The following RSRC1 variants were observed in gnomAD, a reference collection of about 807,000 sequenced individuals.
The protein encoded by RSRC1 is serine/Arginine-related protein 53.
A neutral mutation model predicts 49.1 loss-of-function variants in RSRC1; 39 were observed. The ratio of observed to expected loss-of-function variants is 0.79; its 90% CI spans 0.61 to 1.04. RSRC1 has a LOEUF of 1.04. Among genes scored for constraint, RSRC1 ranks in the 50% least tolerant of loss-of-function variants. The probability of loss-of-function intolerance (pLI) is 0.00; values close to 1 mark genes in which losing one functional copy is unlikely to be tolerated. For missense variants in RSRC1, 388 were observed against 402.4 expected (o/e 0.96, Z 0.31); for synonymous variants, 143 against 130.8 (o/e 1.09, Z -0.63).
intron 6 of RSRC1, among the ~76,000 whole-genome samples, chr3:158,376,767 A>G (rs926654761): frequency 1.3e-5 from 2 of 151,956 alleles, no homozygotes; most frequent in African/African-American, 4.8e-5. Context: ...GTTGTTTCAG[A>G]CAGGAGTTTA....
intron 3 of RSRC1, among the ~76,000 whole-genome samples, chr3:158,184,658 A>G (rs567904606): frequency 6.6e-6 from 1 of 152,270 alleles, no homozygotes; most frequent in Non-Finnish European, 1.5e-5. Flanking sequence ...TAACTGGTAA[A>G]CTATTAGGTC....
intron 3 of RSRC1, among the ~76,000 whole-genome samples, chr3:158,135,972 G>A (rs1456313858): frequency 2.0e-5 from 3 of 152,138 alleles, no homozygotes; most frequent in African/African-American, 7.2e-5. Context: ...TAGCAAGCAT[G>A]GTAAAGCAGA....
At chr3:158,268,911 T>C (rs1481716704) in intron 4 of RSRC1, among the ~76,000 whole-genome samples, 2 of 152,188 alleles carry the variant, frequency 1.3e-5, no homozygotes, top group Non-Finnish European at 2.9e-5. Context: ...TTCTCTGTTA[T>C]CTTAAACATT....
At chr3:158,195,451 C>T (rs1477090615) in intron 3 of RSRC1, among the ~76,000 whole-genome samples, 2 of 151,848 alleles carry the variant, frequency 1.3e-5, no homozygotes, top group African/African-American at 4.8e-5. Flanking sequence ...TGTAGGTTGC[C>T]TGTTCACTCT....
At chr3:158,292,408 G>T (rs1462452000) in intron 4 of RSRC1, among the ~76,000 whole-genome samples, 2 of 152,124 alleles carry the variant, frequency 1.3e-5, no homozygotes, top group Admixed American at 6.6e-5. Flanking sequence ...GAAGATTTAA[G>T]ACAGGGAATG....
At chr3:158,392,041 C>A (rs1197277170) in intron 6 of RSRC1, among the ~76,000 whole-genome samples, 2 of 152,074 alleles carry the variant, frequency 1.3e-5, no homozygotes, top group Non-Finnish European at 2.9e-5. Flanking sequence ...TCTACTAATT[C>A]TGTTAATGAA....
At chr3:158,468,225 G>T (rs546396334) in intron 7 of RSRC1, among the ~76,000 whole-genome samples, 2 of 152,140 alleles carry the variant, frequency 1.3e-5, no homozygotes, top group South Asian at 4.1e-4. Context: ...GAGCCACCGC[G>T]CCCGGCCAGA....
intron 3 of RSRC1, among the ~76,000 whole-genome samples, chr3:158,145,466 G>C (rs1455722237): frequency 7.2e-5 from 11 of 152,050 alleles, no homozygotes; most frequent in Non-Finnish European, 1.2e-4. Context: ...ATTTCTGAGG[G>C]CTCTGTTCTG....
intron 7 of RSRC1, among the ~76,000 whole-genome samples, chr3:158,514,362 A>G (rs1740375629): frequency 6.6e-6 from 1 of 152,008 alleles, no homozygotes; most frequent in Admixed American, 6.6e-5. Context: ...TTCTGCCTTC[A>G]TTTCGTTATG....
chr3:158,300,454 T>A (rs1727480773), intron 5 of RSRC1, among the ~76,000 whole-genome samples: 1 of 152,328 alleles, frequency 6.6e-6, no homozygotes, highest in South Asian at 2.1e-4. Context: ...AAAAGGTTCA[T>A]GCCTAAAATG....
intron 6 of RSRC1, among the ~76,000 whole-genome samples, chr3:158,415,387 T>C (rs1418871886): frequency 6.6e-6 from 1 of 152,066 alleles, no homozygotes; most frequent in East Asian, 1.9e-4. Flanking sequence ...CAGTCATTTG[T>C]ACTGTTACTG....
chr3:158,366,586 C>T (rs1731782660), intron 6 of RSRC1, among the ~76,000 whole-genome samples: 1 of 152,156 alleles, frequency 6.6e-6, no homozygotes. Context: ...AGCATGATAC[C>T]TCCAGCTTTG....
At chr3:158,279,837 T>G (rs923993661) in intron 4 of RSRC1, among the ~76,000 whole-genome samples, 2 of 152,166 alleles carry the variant, frequency 1.3e-5, no homozygotes, top group African/African-American at 4.8e-5. Context: ...TTAGGAAGGA[T>G]TGCAAGTAAA....
At chr3:158,286,383 T>C (rs1463726205) in intron 4 of RSRC1, among the ~76,000 whole-genome samples, 3 of 152,228 alleles carry the variant, frequency 2.0e-5, no homozygotes, top group Non-Finnish European at 4.4e-5. Context: ...TAATTACATG[T>C]CTTTATGATA....
intron 6 of RSRC1, among the ~76,000 whole-genome samples, chr3:158,423,015 A>C (rs1459905666): frequency 6.6e-6 from 1 of 152,090 alleles, no homozygotes; most frequent in Non-Finnish European, 1.5e-5. Context: ...ATTTTCTCCC[A>C]TTCTGTAAGT....
chr3:158,390,564 A>G (rs994673937), intron 6 of RSRC1, among the ~76,000 whole-genome samples: 1 of 152,028 alleles, frequency 6.6e-6, no homozygotes, highest in Admixed American at 6.6e-5. Flanking sequence ...TGGAGCATTT[A>G]TTATTTACTA....
At chr3:158,347,653 C>G (rs1730627846) in intron 5 of RSRC1, among the ~76,000 whole-genome samples, 1 of 152,016 alleles carries the variant, frequency 6.6e-6, no homozygotes, top group African/African-American at 2.4e-5. Context: ...TCAAATAATC[C>G]TCCCGCCTCT....
chr3:158,280,019 C>A (rs1355605777), intron 4 of RSRC1, among the ~76,000 whole-genome samples: 1 of 152,188 alleles, frequency 6.6e-6, no homozygotes, highest in Non-Finnish European at 1.5e-5. Flanking sequence ...ACCAGCGCCT[C>A]TGACATTGCT....
In RSRC1 at chr3:158,229,180, ATG is replaced by A. The variant is rs927483840; in HGVS notation, c.494+25939_494+25940del. Among the ~76,000 whole-genome samples, 6 of 140,184 alleles carry A rather than the reference ATG, an allele frequency of 4.3e-5. 2 individuals are homozygous for A. Among genetic ancestry groups the A allele is most frequent in the African/African-American group, 1.5e-4 (6 of 39,060 alleles). 92.0% of individuals were successfully genotyped at this position (140,184 alleles called of 152,430 possible). ...TATATATGTATATAAACATATGTGT[ATG>A]TGTAAACATACATATATGTGTATAT... is the stretch of plus-strand genomic sequence containing the variant. On this transcript the variant is annotated intron_variant, in intron 4 of 9. Coordinates refer to ENST00000611884, the MANE Select transcript of RSRC1 (RefSeq NM_001271838.2).
Sources: gnomAD v4.1 joint callset for allele counts (sites outside exome capture counted in the v4.1 genomes callset) on GRCh38, gnomAD v4.1.1 for gene constraint, MANE v1.5 for transcripts, NCBI Gene and HGNC (gene_info 2026-07-23, HGNC 2026-07-21) for gene names.